Variants in DGKB observed in about 807,000 individuals in gnomAD.
The protein encoded by DGKB is 90 kDa diacylglycerol kinase.
DGKB carries 67 observed loss-of-function variants against 114.3 expected under a neutral mutation model. That is an observed-to-expected ratio of 0.59 (90% CI 0.48 to 0.72). The LOEUF is 0.72. DGKB is among the 30% of genes least tolerant of loss of function. The probability of loss-of-function intolerance (pLI) is 0.00; values close to 1 mark genes in which losing one functional copy is unlikely to be tolerated. For missense variants in DGKB, 907 were observed against 975.2 expected, an observed-to-expected ratio of 0.93 and a Z score of 0.93; for synonymous variants, 398 against 323.1, an observed-to-expected ratio of 1.23 and a Z score of -2.49.
chr7:14,319,865 A>G (rs929978995), intron 23 of DGKB, among the ~76,000 whole-genome samples: 5 of 152,172 alleles, frequency 3.3e-5, no homozygotes, highest in African/African-American at 1.2e-4. Flanking sequence ...CCTTGTCCCC[A>G]TTCCTATAAG....
chr7:14,780,608 A>G (rs957698346), intron 2 of DGKB, among the ~76,000 whole-genome samples: 1 of 149,304 alleles, frequency 6.7e-6, no homozygotes, highest in African/African-American at 2.5e-5. Context: ...TTTGCATAGC[A>G]TTTTGAGCAT....
intron 25 of DGKB, among the ~76,000 whole-genome samples, chr7:14,167,234 T>A (rs2128231329): frequency 8.1e-6 from 1 of 123,928 alleles, no homozygotes; most frequent in Admixed American, 8.4e-5. Context: ...AAAAAAATTC[T>A]GTTAATCATT....
Position 14,772,966 on chromosome 7 carries a change from T to A in DGKB, c.71-15235A>T, listed in dbSNP as rs186672256. On this transcript the variant is annotated intron_variant, in intron 2 of 25. Transcript: ENST00000402815. ...TCACCGCTGTACCTCAATTGGGTTA[T>A]CTTCAATGCTTTAATCTTCAAAAGA... Among the ~76,000 whole-genome samples the A allele has an allele frequency of 4.3e-3, 655 of 152,300 alleles. 8 individuals are homozygous for A. The highest frequency in any genetic ancestry group is 0.015 in the African/African-American group (612 of 41,560).
At chr7:14,533,560 C>G (rs1791941079) in intron 20 of DGKB, among the ~76,000 whole-genome samples, 1 of 112,436 alleles carries the variant, frequency 8.9e-6, no homozygotes, top group Non-Finnish European at 1.8e-5. Context: ...TGGAAATGGA[C>G]ATCCAGATTC....
At chr7:14,451,911 ACAGT>A (rs79717109) in intron 21 of DGKB, among the ~76,000 whole-genome samples, 17,372 of 151,962 alleles carry the variant, frequency 0.11, 1,222 homozygotes, top group East Asian at 0.21. Context: ...ACTCTTTTGC[ACAGT>A]CAGACTTATG....
At chr7:14,795,400 AG>A (rs1228305833) in intron 2 of DGKB, among the ~76,000 whole-genome samples, 1 of 152,202 alleles carries the variant, frequency 6.6e-6, no homozygotes, top group Non-Finnish European at 1.5e-5. Flanking sequence ...ATTGCAATGT[AG>A]AAGAAATACA....
intron 21 of DGKB, among the ~76,000 whole-genome samples, chr7:14,353,612 A>G (rs1813903623): frequency 6.6e-6 from 1 of 152,180 alleles, no homozygotes; most frequent in Non-Finnish European, 1.5e-5. Flanking sequence ...AAATAGAATC[A>G]TTATTTATTT....
intron 23 of DGKB, among the ~76,000 whole-genome samples, chr7:14,257,662 CA>C (rs1161667110): frequency 1.3e-5 from 2 of 152,092 alleles, no homozygotes; most frequent in African/African-American, 4.8e-5. Flanking sequence ...AGGTGTCTTC[CA>C]TCATGATTAT....
chr7:14,299,913 C>T, intron 23 of DGKB, among the ~76,000 whole-genome samples: 1 of 149,512 alleles, frequency 6.7e-6, no homozygotes, highest in Non-Finnish European at 1.5e-5. Flanking sequence ...AAGCAAAACA[C>T]AAAAAAAATA....
intron 1 of DGKB, among the ~76,000 whole-genome samples, chr7:14,896,143 C>G (rs189386080): frequency 1.3e-5 from 2 of 151,566 alleles, no homozygotes; most frequent in African/African-American, 2.4e-5. Context: ...TGCTTAGGTA[C>G]AAATAGCAGA....
intron 21 of DGKB, among the ~76,000 whole-genome samples, chr7:14,434,713 G>A (rs989359232): frequency 1.4e-4 from 21 of 152,006 alleles, no homozygotes; most frequent in Admixed American, 1.2e-3. Flanking sequence ...ATTTATTACA[G>A]CAGAAATATA....
intron 4 of DGKB, among the ~76,000 whole-genome samples, chr7:14,739,515 C>A (rs12699661): frequency 0.64 from 97,808 of 152,024 alleles, 35,189 homozygotes; most frequent in Non-Finnish European, 0.81. Flanking sequence ...CTCTTAATAA[C>A]TTCCACCCTC....
intron 20 of DGKB, among the ~76,000 whole-genome samples, chr7:14,547,318 A>G (rs1298876615): frequency 2.0e-5 from 3 of 152,206 alleles, no homozygotes; most frequent in Non-Finnish European, 4.4e-5. Flanking sequence ...ATTTCTGTAC[A>G]TACCACATAA....
chr7:14,943,491 A>T (rs1248620691), intron 1 of DGKB, among the ~76,000 whole-genome samples: 2 of 151,980 alleles, frequency 1.3e-5, no homozygotes. Flanking sequence ...TCTGAGAAGA[A>T]ATTGTCCTCA....
chr7:14,565,476 A>G (rs1266745383), intron 20 of DGKB, among the ~76,000 whole-genome samples: 1 of 152,182 alleles, frequency 6.6e-6, no homozygotes, highest in Non-Finnish European at 1.5e-5. Context: ...AATTCTCCCT[A>G]AGTGAGATAG....
intron 20 of DGKB, among the ~76,000 whole-genome samples, chr7:14,563,723 T>G (rs1584834383): frequency 6.6e-6 from 1 of 152,110 alleles, no homozygotes; most frequent in Non-Finnish European, 1.5e-5. Context: ...TTTTTCATTT[T>G]TCTTGATTCT....
At chr7:14,374,852 C>T (rs757416737) in intron 21 of DGKB, among the ~76,000 whole-genome samples, 12 of 152,248 alleles carry the variant, frequency 7.9e-5, no homozygotes, top group Non-Finnish European at 1.2e-4. Flanking sequence ...CCAACCTTGT[C>T]GTGACAATCA....
At chr7:14,882,629 T>C (rs1854413804) in intron 1 of DGKB, among the ~76,000 whole-genome samples, 1 of 151,952 alleles carries the variant, frequency 6.6e-6, no homozygotes. Flanking sequence ...TGTCTATCAT[T>C]CCACTGTTTA....
At chr7:14,814,482 T>C (rs1308329091) in intron 2 of DGKB, among the ~76,000 whole-genome samples, 4 of 152,222 alleles carry the variant, frequency 2.6e-5, no homozygotes, top group Non-Finnish European at 4.4e-5. Flanking sequence ...GGAATTCTGT[T>C]ATTGTGGCTG....
Sources: allele counts gnomAD v4.1 joint callset (sites outside exome capture counted in the v4.1 genomes callset), GRCh38; gene constraint gnomAD v4.1.1; transcripts MANE v1.5; gene names NCBI Gene and HGNC (gene_info 2026-07-23, HGNC 2026-07-21).